Variants in EFHC1 observed in about 807,000 individuals in gnomAD.
The protein encoded by EFHC1 is EF-hand domain-containing protein 1.
A neutral mutation model predicts 69.9 loss-of-function variants in EFHC1; 53 were observed. The ratio of observed to expected loss-of-function variants is 0.76; its 90% CI spans 0.61 to 0.95. The LOEUF (loss-of-function observed/expected upper bound fraction) is 0.95, where lower values mean the gene tolerates loss of function less well. Among genes scored for constraint, EFHC1 ranks in the 40% least tolerant of loss-of-function variants. The probability of loss-of-function intolerance (pLI) is 0.00; values close to 1 mark genes in which losing one functional copy is unlikely to be tolerated. For missense variants in EFHC1, 739 were observed against 798.7 expected, an observed-to-expected ratio of 0.93 and a Z score of 0.90; for synonymous variants, 256 against 278.4, an observed-to-expected ratio of 0.92 and a Z score of 0.80.
At chr6:52,458,907 C>A (rs971956149) in intron 5 of EFHC1, among the ~76,000 whole-genome samples, 2 of 152,218 alleles carry the variant, frequency 1.3e-5, no homozygotes, top group African/African-American at 4.8e-5. Context: ...GGTACATATA[C>A]ACCATGGAAT....
At chr6:52,482,476 G>A (rs1235046665) in intron 9 of EFHC1, 3 of 248,134 alleles carry the variant, frequency 1.2e-5, no homozygotes, top group Non-Finnish European at 2.3e-5. Flanking sequence ...TAATTAAAGT[G>A]TTTTATTTCT....
At chr6:52,480,596 A>AT in intron 9 of EFHC1, among the ~76,000 whole-genome samples, 1 of 152,312 alleles carries the variant, frequency 6.6e-6, no homozygotes, top group Admixed American at 6.5e-5. Flanking sequence ...ATTAAGAGTA[A>AT]TAAGTGTTTC....
At chr6:52,426,920 C>G (rs1446220004) in intron 2 of EFHC1, among the ~76,000 whole-genome samples, 1 of 152,144 alleles carries the variant, frequency 6.6e-6, no homozygotes, top group East Asian at 1.9e-4. Flanking sequence ...CTTGTTTATT[C>G]TCTAGAGTTC....
chr6:52,475,083 T>C (rs1765518939), intron 7 of EFHC1, among the ~76,000 whole-genome samples: 1 of 151,972 alleles, frequency 6.6e-6, no homozygotes, highest in Non-Finnish European at 1.5e-5. Context: ...AACAGAACTA[T>C]TAGTAAAGAA....
intron 9 of EFHC1, chr6:52,483,078 T>G: frequency 2.6e-6 from 1 of 383,488 alleles, no homozygotes; most frequent in Non-Finnish European, 4.6e-6. Flanking sequence ...CCAACAGACT[T>G]TGAAAGAAGT....
intron 4 of EFHC1, chr6:52,453,449 C>T: frequency 1.6e-6 from 2 of 1,287,050 alleles, no homozygotes; most frequent in South Asian, 1.2e-5. Context: ...AAGAGATCAC[C>T]CTCAGTGCTT....
intron 7 of EFHC1, among the ~76,000 whole-genome samples, chr6:52,476,311 C>A (rs1765544589): frequency 6.6e-6 from 1 of 152,152 alleles, no homozygotes; most frequent in South Asian, 2.1e-4. Flanking sequence ...GATGGCTCCT[C>A]CATACAGTAG....
rs367850077 is a variant in EFHC1 at position 52,454,993 on chromosome 6, G to T, written c.916+706G>T. Among the ~76,000 whole-genome samples the T allele has an allele frequency of 4.6e-5, 7 of 152,224 alleles. No homozygotes were observed. In the South Asian group the frequency reaches 8.3e-4, roughly 18 times the overall value. On this transcript the variant is annotated intron_variant, in intron 5 of 10. Transcript: ENST00000371068. ...TGTATTCCCAGCTACTTGGGAGGCT[G>T]AGGTGGGAGGATCATCTGAGCCTGG... is the stretch of plus-strand genomic sequence containing the variant.
intron 9 of EFHC1, chr6:52,486,018 C>T (rs1371419099): frequency 6.6e-6 from 1 of 152,170 alleles, no homozygotes. Flanking sequence ...AATCCACTGT[C>T]GCATCTTCTG....
intron 7 of EFHC1, among the ~76,000 whole-genome samples, chr6:52,477,175 T>G (rs1311886635): frequency 6.6e-6 from 1 of 152,128 alleles, no homozygotes; most frequent in Non-Finnish European, 1.5e-5. Flanking sequence ...AGAAATTCTT[T>G]GAAGGTTTGA....
At chr6:52,463,742 A>G (rs1363461628) in intron 5 of EFHC1, among the ~76,000 whole-genome samples, 1 of 152,262 alleles carries the variant, frequency 6.6e-6, no homozygotes, top group Non-Finnish European at 1.5e-5. Context: ...GGAATATTGT[A>G]TACTAAAGGA....
rs192909772 is a variant in EFHC1 at position 52,428,488 on chromosome 6, G to T, written c.285+4321G>T. 3.8e-3 allele frequency among the ~76,000 whole-genome samples: 584 copies of T among 152,242 alleles called. 6 individuals carry two copies. Among genetic ancestry groups the T allele is most frequent in the Non-Finnish European group, 6.0e-3 (408 of 67,996 alleles). Reference sequence around the variant, plus strand: ...ACTTCACTTAGAATAATAGTCTCCAGTCTCATCCAAGTCACTGTGAATGCT... The same window carrying T: ...ACTTCACTTAGAATAATAGTCTCCATTCTCATCCAAGTCACTGTGAATGCT... On this transcript the variant is annotated intron_variant, in intron 2 of 10. Transcript: ENST00000371068.
chr6:52,448,068 G>A (rs895877894), intron 3 of EFHC1, among the ~76,000 whole-genome samples: 7 of 152,186 alleles, frequency 4.6e-5, no homozygotes, highest in Non-Finnish European at 8.8e-5. Flanking sequence ...CTCAAACTTC[G>A]TGCTGGGAGA....
chr6:52,477,373 A>G (rs1765566194), intron 7 of EFHC1, among the ~76,000 whole-genome samples: 1 of 152,202 alleles, frequency 6.6e-6, no homozygotes, highest in African/African-American at 2.4e-5. Context: ...TACACAAACA[A>G]TCCCATGGTC....
intron 2 of EFHC1, among the ~76,000 whole-genome samples, chr6:52,431,838 T>A (rs1425598623): frequency 6.6e-6 from 1 of 152,206 alleles, no homozygotes; most frequent in Non-Finnish European, 1.5e-5. Context: ...CTATCTCATT[T>A]CTTAGGTCTA....
intron 4 of EFHC1, 57 bp from the exon 5 acceptor site, chr6:52,454,038 C>A: frequency 6.2e-7 from 1 of 1,610,418 alleles, no homozygotes; most frequent in Non-Finnish European, 8.5e-7. Flanking sequence ...GCCAAAGTAG[C>A]CAAGTTGAAC....
chr6:52,434,619 T>C (rs1446365808), intron 2 of EFHC1, among the ~76,000 whole-genome samples: 2 of 152,100 alleles, frequency 1.3e-5, no homozygotes, highest in Non-Finnish European at 2.9e-5. Flanking sequence ...CCTGCAGTCA[T>C]CCTGGAGCAA....
intron 2 of EFHC1, among the ~76,000 whole-genome samples, chr6:52,431,036 T>C (rs1166702708): frequency 6.6e-6 from 1 of 152,216 alleles, no homozygotes; most frequent in African/African-American, 2.4e-5. Context: ...GTGGTGTCAG[T>C]TGTAATATCT....
At chr6:52,435,516 TCAC>T (rs1481893135) in intron 2 of EFHC1, among the ~76,000 whole-genome samples, 2 of 152,210 alleles carry the variant, frequency 1.3e-5, no homozygotes, top group African/African-American at 4.8e-5. Context: ...TTCTATGAGA[TCAC>T]CACTATATCG....
Sources: allele counts gnomAD v4.1 joint callset (sites outside exome capture counted in the v4.1 genomes callset), GRCh38; gene constraint gnomAD v4.1.1; transcripts MANE v1.5; gene names NCBI Gene and HGNC (gene_info 2026-07-23, HGNC 2026-07-21).